Variants in USP54 observed in about 807,000 individuals in gnomAD.
USP54 encodes ubiquitin specific peptidase 54, also known as ubiquitin carboxyl-terminal hydrolase 54.
In USP54, 87 loss-of-function variants were observed where a neutral mutation model predicts 170.5. The observed-to-expected ratio is 0.51, with a 90% CI of 0.43 to 0.61. The LOEUF is 0.61. Among genes scored for constraint, USP54 ranks in the 20% least tolerant of loss-of-function variants. The pLI is 0.00. For synonymous variants in USP54, 655 were observed against 742.8 expected (o/e 0.88, Z 1.92); for missense variants, 1,786 against 2,047.8 (o/e 0.87, Z 2.47).
In USP54 at chr10:73,545,653, T is replaced by G; in HGVS notation, c.260A>C (p.Gln87Pro). The change falls in exon 5 of 24, where the codon CAG becomes CCG. Residue 87 changes from glutamine to proline, a missense_variant. Coordinates refer to ENST00000687698, the MANE Select transcript of USP54 (RefSeq NM_001391956.1). ...CALKGIFNQF[Q>P]CSSEKVLPSD... is the part of the protein sequence containing the mutation. ...TGGAAGCACTTTTTCACTACTACAC[T>G]GAAACTGGTTAAAGATTCCCTATAG... is the stretch of plus-strand genomic sequence containing the variant. 6.2e-7 allele frequency: 1 copy of G among 1,614,028 alleles called. No homozygotes were observed. Among genetic ancestry groups the G allele is most frequent in the East Asian group, 2.2e-5 (1 of 44,874 alleles).
At chr10:73,624,158 CCATATATATATATATATATATA>C (rs1248872156) in intron 1 of USP54, among the ~76,000 whole-genome samples, 24 of 33,008 alleles carry the variant, frequency 7.3e-4, no homozygotes, top group Non-Finnish European at 1.5e-3. Flanking sequence ...TTTTTAAAAG[CCATATATATATATATATATATA>C]TATATATATA....
intron 1 of USP54, among the ~76,000 whole-genome samples, chr10:73,604,934 G>A (rs2079499186): frequency 6.6e-6 from 1 of 152,126 alleles, no homozygotes; most frequent in East Asian, 1.9e-4. Flanking sequence ...TAGCTGGGGT[G>A]GACAGCTTTT....
At chr10:73,616,503 G>T (rs563659923) in intron 1 of USP54, among the ~76,000 whole-genome samples, 9 of 149,994 alleles carry the variant, frequency 6.0e-5, no homozygotes, top group Admixed American at 5.9e-4. Context: ...GCCTGTGCGG[G>T]GGTGGGAAGA....
At chr10:73,593,248 G>A (rs540246941), upstream of USP54, among the ~76,000 whole-genome samples, 1 of 151,496 alleles carries the variant, frequency 6.6e-6, no homozygotes, top group Admixed American at 6.6e-5. Flanking sequence ...GTGGTGGCAC[G>A]CACCTCTCTG....
chr10:73,505,319 G>T lies in USP54; in HGVS notation c.4159C>A (p.Arg1387Ser), dbSNP rs745424344. 6.2e-7 allele frequency: 1 copy of T among 1,613,742 alleles called. No individual in the cohort carries two copies. The highest frequency in any genetic ancestry group is 8.5e-7 in the Non-Finnish European group (1 of 1,179,914). Residue 1387 changes from arginine to serine, a missense_variant, in exon 21 of 24, where the codon CGT (arginine) becomes AGT (serine). This residue lies in a region of USP54 where 1,418 missense variants were observed against 1,569.0 expected (regional missense o/e 0.90). Transcript: ENST00000687698. ...EHGLHEARTVRTSQATPCRGL... is the reference protein window; with the variant it reads ...EHGLHEARTVSTSQATPCRGL... ...CCTGAGGCTGCTACCTGAGAAGTAC[G>T]CACTGTTCTGGCTTCATGGAGACCA... is the stretch of plus-strand genomic sequence containing the variant.
rs758250676 is a variant in USP54, at chr10:73,516,960, A to G, written c.3466T>C (p.Ser1156Pro). ...GAAGAGTTCTTCCTTAGACTACCTG[A>G]CAAACTTCTATCCTTGAAACCTGTA... ...DSTGFKDRSL[S>P]GSLRKNSSPS... The change falls in exon 20 of 24, where the codon TCA (serine) becomes CCA (proline). Residue 1156 changes from serine to proline, a missense_variant. By Grantham distance (74) the Ser-to-Pro change is moderately conservative. Transcript: ENST00000687698. The G allele has an allele frequency of 5.0e-6, 8 of 1,614,166 alleles. No individual in the cohort carries two copies. Among genetic ancestry groups the G allele is most frequent in the Non-Finnish European group, 5.1e-6 (6 of 1,180,016 alleles).
intron 5 of USP54, among the ~76,000 whole-genome samples, 179 bp from the exon 6 acceptor site, chr10:73,543,310 A>G (rs577835736): frequency 6.6e-6 from 1 of 152,302 alleles, no homozygotes; most frequent in East Asian, 1.9e-4. Context: ...AATGTATAGG[A>G]GATCCCCTGT....
Position 73,530,458 on chromosome 10 carries a change from G to A in USP54, c.1513C>T (p.Leu505=), listed in dbSNP as rs41280398. The change falls in exon 14 of 24, where the codon CTG becomes TTG. Residue 505 remains leucine (L), a synonymous_variant. Transcript: ENST00000687698. Reference sequence around the variant, plus strand: ...CTGACTGTCTCTTTAAAATCTCTCAGCCTGTTGGTGCTGCTGGATGGTTTG... The same window carrying A: ...CTGACTGTCTCTTTAAAATCTCTCAACCTGTTGGTGCTGCTGGATGGTTTG... ...ASKPSSSTNR[L]RDFKETVSNM... 0.014 allele frequency: 21,948 copies of A among 1,614,144 alleles called. 190 individuals carry two copies. The highest frequency in any genetic ancestry group is 0.016 in the Non-Finnish European group (18,990 of 1,180,024).
chr10:73,536,223 C>G, intron 11 of USP54, 46 bp downstream of exon 11: 1 of 1,603,978 alleles, frequency 6.2e-7, no homozygotes, highest in South Asian at 1.1e-5. Flanking sequence ...ACTGTTTGAT[C>G]GCATGGGGTG....
chr10:73,606,228 C>CAACAATGT (rs1185157565), intron 1 of USP54: 5 of 140,332 alleles, frequency 3.6e-5, no homozygotes, highest in Admixed American at 1.4e-4. Context: ...ATTGGCTGCA[C>CAACAATGT]AACAATGTGA....
chr10:73,561,442 T>C (rs79083576), intron 4 of USP54, among the ~76,000 whole-genome samples: 1,618 of 152,172 alleles, frequency 0.011, 28 homozygotes, highest in East Asian at 0.063. Context: ...CTGGACAACA[T>C]AGCAAGATCC....
intron 1 of USP54, among the ~76,000 whole-genome samples, chr10:73,587,429 T>C (rs955390165): frequency 1.3e-5 from 2 of 152,074 alleles, no homozygotes; most frequent in African/African-American, 2.4e-5. Flanking sequence ...GAGCCGAGAC[T>C]GCGCCACTGC....
chr10:73,527,498 C>CAAAAAAA (rs931778033), intron 15 of USP54, among the ~76,000 whole-genome samples: 112 of 50,662 alleles, frequency 2.2e-3, no homozygotes, highest in Non-Finnish European at 2.9e-3. Context: ...CACTCCATCT[C>CAAAAAAA]AAAAAAAAAA....
At chr10:73,526,057 C>A (rs2062780281) in intron 16 of USP54, among the ~76,000 whole-genome samples, 1 of 152,188 alleles carries the variant, frequency 6.6e-6, no homozygotes, top group African/African-American at 2.4e-5. Context: ...AGGATTTATT[C>A]TTCTGAAGAA....
chr10:73,609,842 CAAAAAAA>C (rs879852354), intron 1 of USP54, among the ~76,000 whole-genome samples: 1 of 63,856 alleles, frequency 1.6e-5, no homozygotes, highest in Non-Finnish European at 3.1e-5. Flanking sequence ...GATTCCGTCA[CAAAAAAA>C]AAAAAAAAAA....
intron 3 of USP54, among the ~76,000 whole-genome samples, chr10:73,572,514 G>A (rs1010460616): frequency 2.6e-5 from 4 of 152,084 alleles, no homozygotes; most frequent in African/African-American, 7.2e-5. Context: ...GCACACCTCC[G>A]GAGCTTCTTC....
At chr10:73,505,052 A>G (rs1002175236) in intron 21 of USP54, 62 bp from the exon 22 acceptor site, 24 of 1,605,488 alleles carry the variant, frequency 1.5e-5, no homozygotes, top group Admixed American at 3.3e-5. Flanking sequence ...TTTCCCACAG[A>G]CAGTATCCTC....
intron 1 of USP54, among the ~76,000 whole-genome samples, chr10:73,609,480 G>A (rs1442767063): frequency 1.3e-5 from 2 of 152,186 alleles, no homozygotes; most frequent in African/African-American, 4.8e-5. Flanking sequence ...GGGAGGCCGA[G>A]GTGGGCGAAT....
chr10:73,503,136 C>T lies in USP54; in HGVS notation c.4311+1714G>A, dbSNP rs73272362. Among the ~76,000 whole-genome samples the T allele has an allele frequency of 1.2e-3, 176 of 152,284 alleles. 1 individual carries two copies. The highest frequency in any genetic ancestry group is 3.9e-3 in the African/African-American group (161 of 41,554). On this transcript the variant is annotated intron_variant, in intron 22 of 23. Coordinates refer to ENST00000687698, the MANE Select transcript of USP54 (RefSeq NM_001391956.1). Reference sequence around the variant, plus strand: ...CTCTTGTCAACACTCTCCATCATCTCCCCTTGCCAGACTTTCTAATCCTGC... The same window carrying T: ...CTCTTGTCAACACTCTCCATCATCTTCCCTTGCCAGACTTTCTAATCCTGC...
Sources: gnomAD v4.1 joint callset for allele counts (sites outside exome capture counted in the v4.1 genomes callset) on GRCh38, gnomAD v4.1.1 for gene constraint, gnomAD v4.1.1 regional missense constraint, MANE v1.5 for transcripts, NCBI Gene and HGNC (gene_info 2026-07-23, HGNC 2026-07-21) for gene names.